TESK2: variants seen among roughly 807,000 people sequenced by gnomAD.
The protein encoded by TESK2 is testis associated actin remodelling kinase 2.
TESK2 carries 39 observed loss-of-function variants against 57.1 expected under a neutral mutation model. That is an observed-to-expected ratio of 0.68 (90% CI 0.53 to 0.89). The LOEUF (loss-of-function observed/expected upper bound fraction) is 0.89, where lower values mean the gene tolerates loss of function less well. Among genes scored for constraint, TESK2 ranks in the 40% least tolerant of loss-of-function variants. The pLI is 0.00. For missense variants in TESK2, 646 were observed against 732.1 expected, an observed-to-expected ratio of 0.88 and a Z score of 1.36; for synonymous variants, 249 against 267.9, an observed-to-expected ratio of 0.93 and a Z score of 0.69.
At chr1:45,420,414 TG>T (rs200106865) in intron 3 of TESK2, among the ~76,000 whole-genome samples, 2 of 143,172 alleles carry the variant, frequency 1.4e-5, no homozygotes, top group African/African-American at 5.1e-5. Context: ...AATTTTTTTT[TG>T]TTGTTTGTTG....
In TESK2 at chr1:45,344,596, A is replaced by G; in HGVS notation, c.*244T>C. 1.9e-6 allele frequency: 1 copy of G among 517,494 alleles called. No homozygotes were observed. Among genetic ancestry groups the G allele is most frequent in the Non-Finnish European group, 3.5e-6 (1 of 287,934 alleles). 32.1% of individuals were successfully genotyped at this position (517,494 alleles called of 1,614,324 possible). ...AGTACACTGGAGAGGGTCTGGTGGG[A>G]GGCAGACCTCCTTGCTGGATTTCAG... On this transcript the variant is annotated 3_prime_UTR_variant, in exon 11 of 11. Transcript: ENST00000372086.
At chr1:45,440,314 AC>A (rs1312207847) in intron 2 of TESK2, among the ~76,000 whole-genome samples, 2 of 152,166 alleles carry the variant, frequency 1.3e-5, no homozygotes, top group African/African-American at 4.8e-5. Flanking sequence ...TACAGAACGG[AC>A]AAAGGAGGGA....
intron 4 of TESK2, among the ~76,000 whole-genome samples, chr1:45,377,656 T>C (rs1202341476): frequency 6.7e-6 from 1 of 149,276 alleles, no homozygotes; most frequent in African/African-American, 2.4e-5. Context: ...TGACCTCAGG[T>C]AATCTGCCCA....
At chr1:45,450,287 G>A (rs774246906) in intron 2 of TESK2, among the ~76,000 whole-genome samples, 1 of 152,194 alleles carries the variant, frequency 6.6e-6, no homozygotes, top group African/African-American at 2.4e-5. Context: ...CAAGGCAGGT[G>A]GATCACCTGA....
At chr1:45,390,756 ATTATTATTGTTATTG>A (rs1397610599) in intron 3 of TESK2, among the ~76,000 whole-genome samples, 3 of 149,416 alleles carry the variant, frequency 2.0e-5, no homozygotes, top group East Asian at 3.9e-4. Flanking sequence ...TGGTATTATT[ATTATTATTGTTATTG>A]TTATTATTAT....
At position 45,411,456 on chromosome 1, in the gene TESK2, C is replaced by T. The variant is rs186560098; in HGVS notation, c.344+10269G>A. Among the ~76,000 whole-genome samples, 91 of 152,276 alleles carry T rather than the reference C, an allele frequency of 6.0e-4. 1 individual carries two copies. The East Asian group carries it at 0.017, about 29-fold the overall frequency. ...TGCACAGTTCACAACAGGGTTCACGCTTCTATGAAAATATAATGCCACCGC... is the reference window on the plus strand; with the variant it reads ...TGCACAGTTCACAACAGGGTTCACGTTTCTATGAAAATATAATGCCACCGC... On this transcript the variant is annotated intron_variant, in intron 3 of 10. Transcript: ENST00000372086.
chr1:45,368,109 C>T (rs1648015413), intron 4 of TESK2, among the ~76,000 whole-genome samples: 1 of 151,368 alleles, frequency 6.6e-6, no homozygotes, highest in Non-Finnish European at 1.5e-5. Context: ...ATTCTCCTGC[C>T]TCAGCCTCCC....
intron 9 of TESK2, 81 bp from the exon 10 acceptor site, chr1:45,346,075 T>A: frequency 6.3e-6 from 7 of 1,108,796 alleles, no homozygotes; most frequent in Non-Finnish European, 9.6e-6. Context: ...TTCTGGCATC[T>A]TTGAAGATTC....
At chr1:45,359,858 T>A (rs1318895199) in intron 4 of TESK2, among the ~76,000 whole-genome samples, 1 of 152,092 alleles carries the variant, frequency 6.6e-6, no homozygotes, top group Non-Finnish European at 1.5e-5. Context: ...GGTGAGACTC[T>A]GTCTCAAAAA....
At chr1:45,349,069 C>A (rs948540879) in intron 5 of TESK2, among the ~76,000 whole-genome samples, 1 of 151,736 alleles carries the variant, frequency 6.6e-6, no homozygotes, top group African/African-American at 2.4e-5. Flanking sequence ...GAGCAGGGAT[C>A]CTTGGCTCAC....
chr1:45,490,702 TGA>T (rs1016131812), intron 1 of TESK2, 148 bp downstream of exon 1: 2 of 152,052 alleles, frequency 1.3e-5, no homozygotes, highest in African/African-American at 4.8e-5. Context: ...CCGCCGCCGC[TGA>T]GAGGGGGACC....
intron 3 of TESK2, among the ~76,000 whole-genome samples, chr1:45,390,042 A>G (rs1030065029): frequency 3.9e-5 from 6 of 152,150 alleles, no homozygotes; most frequent in Admixed American, 3.9e-4. Context: ...GAAACCTCAC[A>G]TTTTCCCATG....
At chr1:45,348,461 T>TA (rs1342485491) in intron 5 of TESK2, among the ~76,000 whole-genome samples, 1 of 152,206 alleles carries the variant, frequency 6.6e-6, no homozygotes, top group Non-Finnish European at 1.5e-5. Context: ...AAGCCTTCAC[T>TA]AACCTTCACT....
chr1:45,484,888 G>A lies in TESK2; in HGVS notation c.-87+5964C>T, dbSNP rs7525766. ...CTACTAAAAATACAAAAAATTAGCCGGGCCTGGTGGCGGGCGCCTGTAGTC... is the reference window on the plus strand; with the variant it reads ...CTACTAAAAATACAAAAAATTAGCCAGGCCTGGTGGCGGGCGCCTGTAGTC... On this transcript the variant is annotated intron_variant, in intron 1 of 10. Coordinates refer to ENST00000372086, the MANE Select transcript of TESK2 (RefSeq NM_007170.3). Among the ~76,000 whole-genome samples the A allele has an allele frequency of 4.0e-3, 604 of 151,318 alleles. 3 individuals carry two copies. The highest frequency in any genetic ancestry group is 0.013 in the African/African-American group (538 of 41,292).
At chr1:45,390,420 C>T (rs548608152) in intron 3 of TESK2, among the ~76,000 whole-genome samples, 28 of 151,008 alleles carry the variant, frequency 1.9e-4, no homozygotes, top group African/African-American at 6.4e-4. Flanking sequence ...GCCAAGATCA[C>T]GCCACTGCAC....
chr1:45,439,632 G>A (rs372821380), intron 2 of TESK2, among the ~76,000 whole-genome samples: 19 of 152,238 alleles, frequency 1.2e-4, no homozygotes, highest in Non-Finnish European at 1.0e-4. Context: ...CAGAAGTCAA[G>A]GTCAGAAAGT....
chr1:45,469,169 TA>T (rs1186146779), intron 1 of TESK2, among the ~76,000 whole-genome samples: 2 of 151,982 alleles, frequency 1.3e-5, no homozygotes, highest in Non-Finnish European at 1.5e-5. Flanking sequence ...AGCTACCAAT[TA>T]AAAAAAAGTT....
chr1:45,345,037 C>T lies in TESK2; in HGVS notation c.1519G>A (p.Ala507Thr). 1.2e-6 allele frequency: 2 copies of T among 1,614,242 alleles called. No individual in the cohort carries two copies. The highest frequency in any genetic ancestry group is 1.7e-6 in the Non-Finnish European group (2 of 1,180,046). Residue 507 changes from alanine (A) to threonine (T), a missense_variant, in exon 11 of 11, where the codon GCT (alanine) becomes ACT (threonine). Ala to Thr is a moderately conservative substitution (Grantham distance 58). Transcript: ENST00000372086. ...CAGTCCATAGCCTCATGGGCTTGAG[C>T]AGCTGGTAGGGCAGATGCCCGGAAT... ...PPFRASALPA[A>T]QAHEAMDCSI...
chr1:45,367,482 G>T (rs557785658), intron 4 of TESK2, among the ~76,000 whole-genome samples: 1 of 151,276 alleles, frequency 6.6e-6, no homozygotes, highest in Admixed American at 6.6e-5. Flanking sequence ...CCAAGTAGCT[G>T]GGATTACAGG....
Sources: allele counts gnomAD v4.1 joint callset (sites outside exome capture counted in the v4.1 genomes callset), GRCh38; gene constraint gnomAD v4.1.1; transcripts MANE v1.5; gene names NCBI Gene and HGNC (gene_info 2026-07-23, HGNC 2026-07-21).